The following RBL1 variants were observed in gnomAD, a reference collection of about 807,000 sequenced individuals.
The protein encoded by RBL1 is retinoblastoma-like protein 1.
Under a neutral mutation model 123.0 loss-of-function variants are expected in RBL1, and 82 were observed. The observed-to-expected ratio is 0.67, with a 90% CI of 0.56 to 0.80. RBL1 has a LOEUF of 0.80. RBL1 is among the 30% of genes least tolerant of loss of function. RBL1 has a pLI of 0.00. For missense variants in RBL1, 1,171 were observed against 1,299.6 expected (o/e 0.90, Z 1.52); for synonymous variants, 405 against 441.3 (o/e 0.92, Z 1.03).
intron 14 of RBL1, among the ~76,000 whole-genome samples, chr20:37,039,230 C>T (rs1237252936): frequency 6.6e-6 from 1 of 152,064 alleles, no homozygotes; most frequent in Non-Finnish European, 1.5e-5. Flanking sequence ...ATTAGATGAA[C>T]TTAAGCATTC....
intron 7 of RBL1, among the ~76,000 whole-genome samples, chr20:37,063,279 T>C (rs1345548682): frequency 6.6e-6 from 1 of 152,002 alleles, no homozygotes; most frequent in Non-Finnish European, 1.5e-5. Flanking sequence ...GGTTTCACCA[T>C]GTTGGCCCAC....
intron 2 of RBL1, among the ~76,000 whole-genome samples, chr20:37,087,623 G>C (rs2065570717): frequency 6.6e-6 from 1 of 152,078 alleles, no homozygotes; most frequent in South Asian, 2.1e-4. Context: ...AAGGGACAAA[G>C]TGATTGTGGA....
At chr20:37,010,235 C>T (rs1309010076) in intron 19 of RBL1, among the ~76,000 whole-genome samples, 2 of 151,676 alleles carry the variant, frequency 1.3e-5, no homozygotes, top group Admixed American at 6.6e-5. Flanking sequence ...CCACCATGTC[C>T]GGCCAGAAAT....
At chr20:37,063,661 G>A (rs192323038) in intron 7 of RBL1, among the ~76,000 whole-genome samples, 125 of 151,680 alleles carry the variant, frequency 8.2e-4, no homozygotes, top group Admixed American at 2.6e-3. Flanking sequence ...ATAGGTGCAC[G>A]CCATCACACC....
At chr20:37,022,097 GCT>G in intron 17 of RBL1, 1 of 152,256 alleles carries the variant, frequency 6.6e-6, no homozygotes, top group South Asian at 2.1e-4. Context: ...AAAAACATAT[GCT>G]CTGTCTCAAA....
chr20:37,007,292 G>A (rs957937671), intron 20 of RBL1, 119 bp downstream of exon 20: 1 of 1,050,164 alleles, frequency 9.5e-7, no homozygotes. Flanking sequence ...TTAAGTTACT[G>A]GACATGCTCT....
chr20:37,093,225 A>G (rs1024700225), intron 1 of RBL1, among the ~76,000 whole-genome samples: 1 of 152,164 alleles, frequency 6.6e-6, no homozygotes, highest in African/African-American at 2.4e-5. Context: ...ACTTCTTAGG[A>G]AGCATGAGAT....
chr20:37,060,120 C>T lies in RBL1; in HGVS notation c.1250+983G>A, dbSNP rs768275111. Among the ~76,000 whole-genome samples the T allele has an allele frequency of 4.8e-4, 73 of 151,642 alleles. 1 individual carries two copies. The highest frequency in any genetic ancestry group is 3.4e-3 in the Admixed American group (52 of 15,184). ...CTGGGAGGTGGAGGTTGCAGTGAGCCGAGATCATGCCATTGCACTCCAGCC... is the reference window on the plus strand; with the variant it reads ...CTGGGAGGTGGAGGTTGCAGTGAGCTGAGATCATGCCATTGCACTCCAGCC... On this transcript the variant is annotated intron_variant, in intron 9 of 21. Coordinates refer to ENST00000373664, the MANE Select transcript of RBL1 (RefSeq NM_002895.5).
chr20:37,062,336 T>TA (rs956151198), intron 7 of RBL1, 66 bp from the exon 8 acceptor site: 23 of 1,553,716 alleles, frequency 1.5e-5, no homozygotes, highest in Non-Finnish European at 1.7e-5. Context: ...GACTTGAAGA[T>TA]AGATTTAGTG....
In RBL1 at chr20:36,998,717, G is replaced by C; in HGVS notation, c.*42C>G. On this transcript the variant is annotated 3_prime_UTR_variant, in exon 22 of 22. Coordinates refer to ENST00000373664, the MANE Select transcript of RBL1 (RefSeq NM_002895.5). ...AAGGACAGAGCTCCAACTTTCTGCA[G>C]AACAATCTGAAAGTGCTTTTATCAT... 1.9e-6 allele frequency: 3 copies of C among 1,541,492 alleles called. No individual in the cohort carries two copies. Among genetic ancestry groups the C allele is most frequent in the Non-Finnish European group, 2.7e-6 (3 of 1,130,064 alleles).
chr20:37,049,752 T>C, intron 11 of RBL1: 1 of 540,930 alleles, frequency 1.8e-6, no homozygotes, highest in East Asian at 3.0e-5. Flanking sequence ...TTTAAAAAAA[T>C]TTAAAATATT....
At chr20:37,040,558 G>A (rs1279128978) in intron 13 of RBL1, among the ~76,000 whole-genome samples, 2 of 152,014 alleles carry the variant, frequency 1.3e-5, no homozygotes, top group Admixed American at 1.3e-4. Flanking sequence ...TCACCATGTT[G>A]GCCAGGCTGA....
Position 37,079,901 on chromosome 20 carries a change from C to T in RBL1, c.290+9088G>A, listed in dbSNP as rs192037576. ...AAAGCAGTTTTAATTTTAGTGATTT[C>T]AAGTCAGAAAAGTGGGAGAAAAATT... On this transcript the variant is annotated intron_variant, in intron 2 of 21. Coordinates refer to ENST00000373664, the MANE Select transcript of RBL1 (RefSeq NM_002895.5). Among the ~76,000 whole-genome samples the T allele has an allele frequency of 2.2e-3, 333 of 152,154 alleles. 10 individuals carry two copies. The South Asian group carries it at 0.044, about 20-fold the overall frequency.
At chr20:37,043,870 A>G (rs931905762) in intron 13 of RBL1, among the ~76,000 whole-genome samples, 3 of 152,100 alleles carry the variant, frequency 2.0e-5, no homozygotes, top group African/African-American at 7.2e-5. Context: ...ATTCGGGGGT[A>G]GGGAAGTGAT....
intron 16 of RBL1, among the ~76,000 whole-genome samples, chr20:37,026,022 C>T (rs955544034): frequency 6.6e-6 from 1 of 151,946 alleles, no homozygotes; most frequent in Non-Finnish European, 1.5e-5. Flanking sequence ...GGATTATAGG[C>T]GTGAGCCACC....
chr20:37,049,223 A>G, intron 11 of RBL1: 1 of 399,714 alleles, frequency 2.5e-6, no homozygotes, highest in South Asian at 3.2e-5. Context: ...AACAAAAAAC[A>G]AAAAAAAATT....
At chr20:37,060,176 A>ATAAG (rs1252505635) in intron 9 of RBL1, among the ~76,000 whole-genome samples, 9 of 144,420 alleles carry the variant, frequency 6.2e-5, no homozygotes, top group African/African-American at 2.2e-4. Context: ...CTGTCTCAAA[A>ATAAG]TAAATAAATA....
intron 19 of RBL1, among the ~76,000 whole-genome samples, chr20:37,011,805 G>A (rs1274147514): frequency 6.6e-6 from 1 of 152,146 alleles, no homozygotes; most frequent in African/African-American, 2.4e-5. Context: ...ATGAGCTCAT[G>A]TTCAGGAAAT....
chr20:37,014,083 CTCTT>C (rs1394355639), intron 19 of RBL1, among the ~76,000 whole-genome samples: 7 of 149,084 alleles, frequency 4.7e-5, no homozygotes, highest in South Asian at 2.1e-4. Context: ...ATAACTTTCT[CTCTT>C]TTTTTTTTTT....
Sources: allele counts gnomAD v4.1 joint callset (sites outside exome capture counted in the v4.1 genomes callset), GRCh38; gene constraint gnomAD v4.1.1; transcripts MANE v1.5; gene names NCBI Gene and HGNC (gene_info 2026-07-23, HGNC 2026-07-21).